Variants in TAFA2 observed in about 807,000 individuals in gnomAD.
The protein encoded by TAFA2 is chemokine-like protein TAFA-2.
TAFA2 carries 7 observed loss-of-function variants against 18.8 expected under a neutral mutation model. That is an observed-to-expected ratio of 0.37 (90% confidence interval 0.21 to 0.70). The LOEUF (loss-of-function observed/expected upper bound fraction) is 0.70, where lower values mean the gene tolerates loss of function less well. Among genes scored for constraint, TAFA2 ranks in the 30% least tolerant of loss-of-function variants. The pLI is 0.53. For synonymous variants in TAFA2, 60 were observed against 54.2 expected, an observed-to-expected ratio of 1.11 and a Z score of -0.47; for missense variants, 122 against 158.1, an observed-to-expected ratio of 0.77 and a Z score of 1.23.
chr12:62,182,638 G>T (rs1301754878), intron 1 of TAFA2, among the ~76,000 whole-genome samples: 1 of 152,074 alleles, frequency 6.6e-6, no homozygotes, highest in Non-Finnish European at 1.5e-5. Context: ...GAGGAATAAG[G>T]CATTCTGGGA....
At chr12:61,736,012 C>T (rs1461671127) in intron 4 of TAFA2, among the ~76,000 whole-genome samples, 1 of 151,962 alleles carries the variant, frequency 6.6e-6, no homozygotes, top group Non-Finnish European at 1.5e-5. Context: ...GGCTGTTCTA[C>T]TTTTAATTCC....
intron 1 of TAFA2, among the ~76,000 whole-genome samples, chr12:61,876,109 A>T (rs1259958284): frequency 6.6e-6 from 1 of 152,168 alleles, no homozygotes; most frequent in Non-Finnish European, 1.5e-5. Flanking sequence ...TTTTTTAATA[A>T]GACTTTTATA....
chr12:61,987,152 A>T (rs1879847527), intron 1 of TAFA2, among the ~76,000 whole-genome samples: 1 of 152,226 alleles, frequency 6.6e-6, no homozygotes, highest in Non-Finnish European at 1.5e-5. Flanking sequence ...TCTTTTCTAA[A>T]TTTAAAGAAA....
At chr12:61,931,571 T>C (rs193135905) in intron 1 of TAFA2, among the ~76,000 whole-genome samples, 1 of 152,328 alleles carries the variant, frequency 6.6e-6, no homozygotes, top group African/African-American at 2.4e-5. Context: ...TGTGAAACTC[T>C]ATATAATACA....
intron 2 of TAFA2, among the ~76,000 whole-genome samples, chr12:61,784,130 G>T (rs190116520): frequency 6.6e-6 from 1 of 151,478 alleles, no homozygotes; most frequent in Non-Finnish European, 1.5e-5. Flanking sequence ...GGAAATACTG[G>T]AAGAAGAAAG....
chr12:62,129,625 T>A (rs1426141767), intron 1 of TAFA2, among the ~76,000 whole-genome samples: 1 of 152,012 alleles, frequency 6.6e-6, no homozygotes, highest in Non-Finnish European at 1.5e-5. Flanking sequence ...AAATCCTAAT[T>A]TAATTTTAAA....
chr12:61,899,356 A>T (rs760876060), intron 1 of TAFA2, among the ~76,000 whole-genome samples: 2 of 152,156 alleles, frequency 1.3e-5, no homozygotes, highest in African/African-American at 2.4e-5. Flanking sequence ...TCACCCTGAT[A>T]TAAAGAACTG....
intron 2 of TAFA2, among the ~76,000 whole-genome samples, chr12:61,777,771 A>G (rs1292669178): frequency 6.6e-6 from 1 of 151,902 alleles, no homozygotes; most frequent in Non-Finnish European, 1.5e-5. Context: ...TAAGAATTTA[A>G]TTAATACATA....
chr12:62,234,047 C>A (rs1013823871), intron 1 of TAFA2, among the ~76,000 whole-genome samples: 25 of 152,188 alleles, frequency 1.6e-4, no homozygotes, highest in African/African-American at 6.0e-4. Flanking sequence ...TCTGCAGAGG[C>A]AGGGTGCCTT....
At chr12:61,882,067 G>A (rs1875169970) in intron 1 of TAFA2, among the ~76,000 whole-genome samples, 1 of 152,100 alleles carries the variant, frequency 6.6e-6, no homozygotes, top group Non-Finnish European at 1.5e-5. Flanking sequence ...GTGCTTATAA[G>A]AGTGCTTTAA....
intron 1 of TAFA2, among the ~76,000 whole-genome samples, chr12:62,170,587 T>A (rs1354639128): frequency 6.6e-6 from 1 of 152,228 alleles, no homozygotes; most frequent in Non-Finnish European, 1.5e-5. Context: ...AGAGGGACCA[T>A]CTAGATCTAT....
intron 1 of TAFA2, among the ~76,000 whole-genome samples, chr12:62,061,153 A>G (rs1191255279): frequency 6.6e-6 from 1 of 152,206 alleles, no homozygotes; most frequent in Non-Finnish European, 1.5e-5. Flanking sequence ...CCATATAATA[A>G]TGTCCTAAAT....
At chr12:61,717,959 C>T (rs529412586) in intron 4 of TAFA2, among the ~76,000 whole-genome samples, 8 of 152,258 alleles carry the variant, frequency 5.3e-5, no homozygotes, top group Admixed American at 2.0e-4. Flanking sequence ...ACTACTATGA[C>T]CTTTCTTAAG....
chr12:61,749,259 T>TA (rs1868891691), intron 4 of TAFA2, among the ~76,000 whole-genome samples: 1 of 151,842 alleles, frequency 6.6e-6, no homozygotes. Flanking sequence ...AGCAGCAGAG[T>TA]AAGACTTTGT....
intron 4 of TAFA2, among the ~76,000 whole-genome samples, chr12:61,742,045 C>T (rs752733602): frequency 6.6e-6 from 1 of 152,018 alleles, no homozygotes; most frequent in South Asian, 2.1e-4. Context: ...CAAGCATGTG[C>T]CACCATACCT....
At chr12:61,974,164 T>C (rs927117359) in intron 1 of TAFA2, among the ~76,000 whole-genome samples, 1 of 151,774 alleles carries the variant, frequency 6.6e-6, no homozygotes, top group African/African-American at 2.4e-5. Flanking sequence ...AGAGGTATAA[T>C]TGAATCTTTC....
intron 4 of TAFA2, among the ~76,000 whole-genome samples, chr12:61,738,868 G>C (rs1868353497): frequency 1.3e-5 from 2 of 152,038 alleles, no homozygotes; most frequent in Admixed American, 1.3e-4. Flanking sequence ...AGGAAGTTTT[G>C]AGTTATTTCC....
At chr12:61,895,584 C>A (rs1213501909) in intron 1 of TAFA2, among the ~76,000 whole-genome samples, 2 of 152,074 alleles carry the variant, frequency 1.3e-5, no homozygotes, top group Admixed American at 1.3e-4. Flanking sequence ...TCACAAAGAC[C>A]CATGTTCCCA....
intron 2 of TAFA2, among the ~76,000 whole-genome samples, chr12:61,866,243 T>C (rs1207867387): frequency 6.6e-6 from 1 of 152,222 alleles, no homozygotes; most frequent in Non-Finnish European, 1.5e-5. Flanking sequence ...TGTCCCTTTT[T>C]GATTTTAAAT....
Sources: allele counts gnomAD v4.1 joint callset (sites outside exome capture counted in the v4.1 genomes callset), GRCh38; gene constraint gnomAD v4.1.1; transcripts MANE v1.5; gene names NCBI Gene and HGNC (gene_info 2026-07-23, HGNC 2026-07-21).